Variants in PRKAR1B observed in about 807,000 individuals in gnomAD.
The protein encoded by PRKAR1B is protein kinase cAMP-dependent type I regulatory subunit beta, also known as cAMP-dependent protein kinase type I-beta regulatory subunit.
Under a neutral mutation model 46.5 loss-of-function variants are expected in PRKAR1B, and 22 were observed. The observed-to-expected ratio is 0.47, with a 90% CI of 0.34 to 0.68. The LOEUF (loss-of-function observed/expected upper bound fraction) is 0.68. Among genes scored for constraint, PRKAR1B ranks in the 30% least tolerant of loss-of-function variants. The probability of loss-of-function intolerance (pLI) is 0.01; values close to 1 mark genes in which losing one functional copy is unlikely to be tolerated. For synonymous variants in PRKAR1B, 259 were observed against 217.7 expected (o/e 1.19, Z -1.67); for missense variants, 445 against 535.6 (o/e 0.83, Z 1.67).
intron 4 of PRKAR1B, among the ~76,000 whole-genome samples, chr7:662,987 AGT>A (rs1255522487): frequency 2.0e-5 from 3 of 152,224 alleles, no homozygotes; most frequent in African/African-American, 7.2e-5. Flanking sequence ...AAGATCTAAG[AGT>A]GTTCAATGAA....
chr7:657,567 G>C (rs1220378711), intron 4 of PRKAR1B, among the ~76,000 whole-genome samples: 1 of 152,198 alleles, frequency 6.6e-6, no homozygotes, highest in African/African-American at 2.4e-5. Context: ...CTATGGGGGT[G>C]GTGGACAGGA....
At chr7:649,560 C>CTTAT (rs571392594) in intron 4 of PRKAR1B, among the ~76,000 whole-genome samples, 1,907 of 151,908 alleles carry the variant, frequency 0.013, 44 homozygotes, top group African/African-American at 0.041. Flanking sequence ...TATGTAGCGC[C>CTTAT]TTATTTATTT....
chr7:693,743 A>G (rs1204368014), intron 2 of PRKAR1B, among the ~76,000 whole-genome samples: 1 of 152,084 alleles, frequency 6.6e-6, no homozygotes, highest in African/African-American at 2.4e-5. Flanking sequence ...CCTGTTCTCA[A>G]TTCTTCGGGC....
intron 9 of PRKAR1B, among the ~76,000 whole-genome samples, chr7:566,209 T>A (rs535010087): frequency 0.011 from 717 of 66,062 alleles, 1 homozygote; most frequent in Middle Eastern, 0.031. Flanking sequence ...ATGGCCATCT[T>A]CACCATGACC....
chr7:556,863 G>A (rs571356232), intron 9 of PRKAR1B, among the ~76,000 whole-genome samples: 61 of 152,294 alleles, frequency 4.0e-4, no homozygotes, highest in African/African-American at 1.3e-3. Flanking sequence ...CCCTGGGGCC[G>A]GGAAAGTCTG....
chr7:711,141 C>T (rs2128528959), intron 2 of PRKAR1B, among the ~76,000 whole-genome samples, 188 bp downstream of exon 2: 1 of 152,224 alleles, frequency 6.6e-6, no homozygotes, highest in African/African-American at 2.4e-5. Context: ...CTCGGGAGAC[C>T]AAACAAGGGA....
chr7:579,172 A>C, intron 9 of PRKAR1B, 84 bp downstream of exon 9: 1 of 1,606,556 alleles, frequency 6.2e-7, no homozygotes, highest in Non-Finnish European at 8.5e-7. Flanking sequence ...AGGGAGGGTG[A>C]GGCGGGCAGT....
intron 9 of PRKAR1B, among the ~76,000 whole-genome samples, chr7:576,245 G>A (rs143954402): frequency 2.1e-4 from 32 of 152,036 alleles, no homozygotes; most frequent in African/African-American, 7.5e-4. Flanking sequence ...ACGGGCGGGT[G>A]TGCACGCTGG....
At chr7:687,665 A>T (rs1779164225) in intron 2 of PRKAR1B, among the ~76,000 whole-genome samples, 1 of 152,230 alleles carries the variant, frequency 6.6e-6, no homozygotes, top group Non-Finnish European at 1.5e-5. Flanking sequence ...ATCATGATGA[A>T]GAATTTTCCT....
At chr7:704,909 AC>A (rs1360126755) in intron 2 of PRKAR1B, among the ~76,000 whole-genome samples, 1 of 152,216 alleles carries the variant, frequency 6.6e-6, no homozygotes, top group Non-Finnish European at 1.5e-5. Context: ...AAATACATGA[AC>A]AGACACTTCA....
intron 4 of PRKAR1B, among the ~76,000 whole-genome samples, chr7:653,653 A>G (rs1785027188): frequency 6.6e-6 from 1 of 152,172 alleles, no homozygotes; most frequent in African/African-American, 2.4e-5. Flanking sequence ...AGCTCATGGT[A>G]GATTCAATCC....
At chr7:723,097 A>G (rs1781129290) in intron 1 of PRKAR1B, among the ~76,000 whole-genome samples, 1 of 152,174 alleles carries the variant, frequency 6.6e-6, no homozygotes, top group Non-Finnish European at 1.5e-5. Context: ...TCAGGACAGA[A>G]CATGCTCGTT....
intron 4 of PRKAR1B, among the ~76,000 whole-genome samples, chr7:676,865 C>G (rs1268100387): frequency 6.7e-6 from 1 of 150,114 alleles, no homozygotes. Context: ...CCCGGGCAAG[C>G]AACGGGGCCT....
At chr7:642,594 G>A (rs1784442695) in intron 4 of PRKAR1B, among the ~76,000 whole-genome samples, 1 of 151,240 alleles carries the variant, frequency 6.6e-6, no homozygotes, top group Non-Finnish European at 1.5e-5. Flanking sequence ...GCGTAGTGGC[G>A]GGCGCCTGTA....
At chr7:588,540 G>T (rs113920889) in intron 7 of PRKAR1B, among the ~76,000 whole-genome samples, 1 of 6,286 alleles carries the variant, frequency 1.6e-4, no homozygotes, top group African/African-American at 1.1e-3. Context: ...GGTGGTGATG[G>T]TGGTGACGGT....
intron 9 of PRKAR1B, among the ~76,000 whole-genome samples, chr7:561,361 A>T (rs1290693483): frequency 6.6e-6 from 1 of 152,228 alleles, no homozygotes; most frequent in Non-Finnish European, 1.5e-5. Context: ...CTCCTGAATA[A>T]ATAAGCCCCA....
At chr7:639,680 T>G (rs1003832783) in intron 4 of PRKAR1B, among the ~76,000 whole-genome samples, 5 of 151,888 alleles carry the variant, frequency 3.3e-5, no homozygotes, top group African/African-American at 1.2e-4. Context: ...TGGGACCCCA[T>G]CTCTACAAAA....
intron 1 of PRKAR1B, among the ~76,000 whole-genome samples, chr7:717,013 G>A (rs780184022): frequency 1.3e-5 from 2 of 152,148 alleles, no homozygotes; most frequent in African/African-American, 2.4e-5. Context: ...TTCTCCAGCC[G>A]GGCGCAGTGC....
chr7:651,226 A>T (rs1012498313), intron 4 of PRKAR1B, among the ~76,000 whole-genome samples: 1 of 152,192 alleles, frequency 6.6e-6, no homozygotes, highest in Admixed American at 6.5e-5. Flanking sequence ...GTCCGCAGGG[A>T]CCTGCCATGA....
Sources: gnomAD v4.1 joint callset for allele counts (sites outside exome capture counted in the v4.1 genomes callset) on GRCh38, gnomAD v4.1.1 for gene constraint, MANE v1.5 for transcripts, NCBI Gene and HGNC (gene_info 2026-07-23, HGNC 2026-07-21) for gene names.